SPOCK1: variants seen among roughly 807,000 people sequenced by gnomAD.
SPOCK1 encodes the protein SPARC (osteonectin), cwcv and kazal like domains proteoglycan 1, also known as testican-1.
A neutral mutation model predicts 55.3 loss-of-function variants in SPOCK1; 23 were observed. That is an observed-to-expected ratio of 0.42 (90% CI 0.30 to 0.59). The LOEUF (loss-of-function observed/expected upper bound fraction) is 0.59, where lower values mean the gene tolerates loss of function less well. SPOCK1 is among the 20% of genes least tolerant of loss of function. The pLI, the probability that SPOCK1 is intolerant of heterozygous loss-of-function variation, is 0.22. For synonymous variants in SPOCK1, 226 were observed against 221.0 expected (o/e 1.02, Z -0.20); for missense variants, 499 against 552.5 (o/e 0.90, Z 0.97).
At chr5:137,464,292 A>C (rs1290809596) in intron 2 of SPOCK1, among the ~76,000 whole-genome samples, 1 of 152,192 alleles carries the variant, frequency 6.6e-6, no homozygotes, top group East Asian at 1.9e-4. Context: ...ACAGAGCAAG[A>C]TCTTGTCTCA....
chr5:137,225,410 G>A (rs978185401), intron 3 of SPOCK1, among the ~76,000 whole-genome samples: 3 of 152,096 alleles, frequency 2.0e-5, no homozygotes. Context: ...ACACAAAATT[G>A]TTAGCTATTG....
intron 2 of SPOCK1, among the ~76,000 whole-genome samples, chr5:137,454,523 G>C (rs1753323842): frequency 6.6e-6 from 1 of 152,104 alleles, no homozygotes; most frequent in Non-Finnish European, 1.5e-5. Flanking sequence ...TGGAGGGGAG[G>C]GGGGAACAAT....
chr5:137,056,354 G>A (rs993840473), intron 6 of SPOCK1, among the ~76,000 whole-genome samples: 5 of 152,086 alleles, frequency 3.3e-5, no homozygotes, highest in Admixed American at 3.3e-4. Context: ...AAGGAACCAG[G>A]TCATAGACTG....
chr5:137,264,824 G>A (rs1385972593), intron 3 of SPOCK1, among the ~76,000 whole-genome samples: 1 of 152,142 alleles, frequency 6.6e-6, no homozygotes, highest in Non-Finnish European at 1.5e-5. Flanking sequence ...TGTAATTGAT[G>A]ACATCTGCTG....
In SPOCK1 at chr5:137,003,988, T is replaced by C. The variant is rs144854919; in HGVS notation, c.590-11388A>G. ...GACTTAAAATGAATGCAGAGAACCA[T>C]GAGCTCCTTTTAATTCCCCCCACTA... On this transcript the variant is annotated intron_variant, in intron 6 of 10. Coordinates refer to ENST00000394945, the MANE Select transcript of SPOCK1 (RefSeq NM_004598.4). Among the ~76,000 whole-genome samples, 518 of 152,236 alleles carry C rather than the reference T, an allele frequency of 3.4e-3. 3 individuals are homozygous for C. Among genetic ancestry groups the C allele is most frequent in the Middle Eastern group, 0.02 (6 of 294 alleles).
intron 6 of SPOCK1, among the ~76,000 whole-genome samples, chr5:137,004,538 A>G (rs4475256): frequency 0.82 from 124,000 of 151,976 alleles, 51,601 homozygotes; most frequent in South Asian, 0.94. Flanking sequence ...GCACAGTGAT[A>G]AAATGTTTGC....
At chr5:137,410,332 G>A (rs1752182903) in intron 2 of SPOCK1, among the ~76,000 whole-genome samples, 1 of 152,274 alleles carries the variant, frequency 6.6e-6, no homozygotes, top group East Asian at 1.9e-4. Flanking sequence ...ACTTGTTCCT[G>A]ATGATAATTA....
At chr5:137,025,972 T>C (rs1561583797) in intron 6 of SPOCK1, among the ~76,000 whole-genome samples, 1 of 152,166 alleles carries the variant, frequency 6.6e-6, no homozygotes, top group African/African-American at 2.4e-5. Context: ...AAAATTGGGC[T>C]TAAGGACTCA....
At chr5:137,328,938 G>A (rs932615179) in intron 2 of SPOCK1, among the ~76,000 whole-genome samples, 4 of 152,106 alleles carry the variant, frequency 2.6e-5, no homozygotes, top group Admixed American at 1.3e-4. Context: ...TCACCACCCC[G>A]CCCCAGCCTT....
intron 2 of SPOCK1, among the ~76,000 whole-genome samples, chr5:137,280,102 C>A (rs968897622): frequency 7.2e-5 from 11 of 152,186 alleles, no homozygotes; most frequent in Admixed American, 2.0e-4. Context: ...TGAAAGGTCA[C>A]ACTCTAGTTT....
At chr5:137,170,102 T>C (rs1055943376) in intron 3 of SPOCK1, among the ~76,000 whole-genome samples, 2 of 152,218 alleles carry the variant, frequency 1.3e-5, no homozygotes, top group Non-Finnish European at 2.9e-5. Context: ...AAGTCCCTGA[T>C]ATAATAAAAT....
intron 3 of SPOCK1, among the ~76,000 whole-genome samples, chr5:137,260,016 G>A (rs756970543): frequency 6.6e-6 from 1 of 152,124 alleles, no homozygotes; most frequent in African/African-American, 2.4e-5. Context: ...TTTCCTTTAT[G>A]AGAAAACATA....
At chr5:137,018,128 A>T (rs1003700212) in intron 6 of SPOCK1, among the ~76,000 whole-genome samples, 1 of 152,236 alleles carries the variant, frequency 6.6e-6, no homozygotes, top group South Asian at 2.1e-4. Flanking sequence ...TGCTACCAGC[A>T]TCTTGTGGGT....
At chr5:137,379,753 T>A (rs1751419291) in intron 2 of SPOCK1, among the ~76,000 whole-genome samples, 1 of 152,202 alleles carries the variant, frequency 6.6e-6, no homozygotes, top group Admixed American at 6.5e-5. Context: ...TGCTTGGCAG[T>A]GCCACCACAC....
intron 2 of SPOCK1, among the ~76,000 whole-genome samples, chr5:137,376,996 C>G (rs531657176): frequency 6.6e-6 from 1 of 152,268 alleles, no homozygotes; most frequent in South Asian, 2.1e-4. Flanking sequence ...AAGGAAAGAC[C>G]AGCTTTGAAC....
chr5:137,056,613 A>C (rs2127000499), intron 6 of SPOCK1, among the ~76,000 whole-genome samples: 1 of 150,850 alleles, frequency 6.6e-6, no homozygotes, highest in African/African-American at 2.4e-5. Flanking sequence ...TTTTTAACTT[A>C]GTTTTTTTGC....
chr5:137,163,678 C>T (rs1485741138), intron 3 of SPOCK1, among the ~76,000 whole-genome samples: 5 of 152,136 alleles, frequency 3.3e-5, no homozygotes, highest in Admixed American at 6.5e-5. Context: ...TCCAAGTTAG[C>T]GGAACTCACC....
At chr5:137,040,331 C>T (rs771095128) in intron 6 of SPOCK1, among the ~76,000 whole-genome samples, 27 of 152,270 alleles carry the variant, frequency 1.8e-4, no homozygotes, top group Non-Finnish European at 3.4e-4. Flanking sequence ...CCAATCCACA[C>T]TGGGCATATG....
At chr5:137,075,289 C>T (rs543437288) in intron 5 of SPOCK1, among the ~76,000 whole-genome samples, 8 of 152,354 alleles carry the variant, frequency 5.3e-5, no homozygotes, top group African/African-American at 1.9e-4. Flanking sequence ...AACCACTCCT[C>T]TTTTCCCTCC....
Sources: allele counts gnomAD v4.1 joint callset (sites outside exome capture counted in the v4.1 genomes callset), GRCh38; gene constraint gnomAD v4.1.1; transcripts MANE v1.5; gene names NCBI Gene and HGNC (gene_info 2026-07-23, HGNC 2026-07-21).